Variants in CBL observed in about 807,000 individuals in gnomAD.
The protein encoded by CBL is Cbl proto-oncogene.
In CBL, 45 loss-of-function variants were observed where a neutral mutation model predicts 96.9. The ratio of observed to expected loss-of-function variants is 0.46; its 90% CI spans 0.37 to 0.60. The LOEUF is 0.60. Ranked by LOEUF, CBL falls within the 20% of genes least tolerant of loss-of-function variation. CBL has a pLI of 0.00. For missense variants in CBL, 1,024 were observed against 1,143.5 expected (o/e 0.90, Z 1.51); for synonymous variants, 420 against 426.8 (o/e 0.98, Z 0.20).
intron 1 of CBL, among the ~76,000 whole-genome samples, chr11:119,228,798 T>TTC (rs200646426): frequency 4.1e-4 from 60 of 147,884 alleles, no homozygotes; most frequent in African/African-American, 9.2e-4. Context: ...AGCTAATTCC[T>TTC]TCTCTCTCTC....
intron 1 of CBL, among the ~76,000 whole-genome samples, chr11:119,211,670 A>C (rs1247849652): frequency 1.3e-5 from 2 of 151,706 alleles, no homozygotes; most frequent in Non-Finnish European, 2.9e-5. Context: ...CACCCAGCTA[A>C]TTTTTGTATT....
intron 2 of CBL, among the ~76,000 whole-genome samples, chr11:119,245,636 G>GGA (rs1254311774): frequency 4.4e-4 from 67 of 152,200 alleles, no homozygotes; most frequent in African/African-American, 1.6e-3. Context: ...GGCTGAGGCA[G>GGA]GAGAATCACT....
Position 119,206,503 on chromosome 11 carries a change from T to C in CBL, c.86T>C (p.Met29Thr), listed in dbSNP as rs1949269894. 2.6e-6 allele frequency: 4 copies of C among 1,566,584 alleles called. No individual in the cohort carries two copies. Among genetic ancestry groups the C allele is most frequent in the Non-Finnish European group, 3.5e-6 (4 of 1,157,734 alleles). The change falls in exon 1 of 16, where the codon ATG (methionine) becomes ACG (threonine). Residue 29 changes from methionine to threonine, a missense_variant. Met to Thr is a moderately conservative substitution (Grantham distance 81). Around this residue, in one of 4 missense-constraint regions of CBL, gnomAD observed 114 missense variants for 117.4 expected, o/e 0.97. Coordinates refer to ENST00000264033, the MANE Select transcript of CBL (RefSeq NM_005188.4). ...GGTTCGGGTGGCCTGATTGGGCTCA[T>C]GAAGGACGCCTTCCAGCCGCACCAC... The part of the protein sequence containing the change: ...GSGSGGLIGL[M>T]KDAFQPHHHH...
intron 13 of CBL, 68 bp downstream of exon 13, chr11:119,297,102 T>A: frequency 1.2e-6 from 1 of 854,566 alleles, no homozygotes; most frequent in Non-Finnish European, 2.0e-6. Context: ...TTCACCTGCT[T>A]GGCTTGCTAC....
rs1035154019 is a variant in CBL at position 119,301,754 on chromosome 11, G to C, written c.*1973G>C. The C allele has an allele frequency of 4.3e-6, 1 of 233,172 alleles. No homozygotes were observed. Among genetic ancestry groups the C allele is most frequent in the Non-Finnish European group, 8.5e-6 (1 of 118,046 alleles). 14.4% of individuals were successfully genotyped at this position (233,172 alleles called of 1,614,324 possible). On this transcript the variant is annotated 3_prime_UTR_variant, in exon 16 of 16. Coordinates refer to ENST00000264033, the MANE Select transcript of CBL (RefSeq NM_005188.4). ...TTAGGTGAGGCGGTCCCGAGTTGAG[G>C]TAGAGTGGGGCAGAGGAAGATGGCA...
At chr11:119,236,451 T>TG (rs1400677141) in intron 2 of CBL, among the ~76,000 whole-genome samples, 1 of 152,132 alleles carries the variant, frequency 6.6e-6, no homozygotes, top group African/African-American at 2.4e-5. Flanking sequence ...TTTCAATGTA[T>TG]GGATATACCA....
rs926043487 is a variant in CBL at position 119,303,181 on chromosome 11, T to C, written c.*3400T>C. 4.3e-6 allele frequency: 1 copy of C among 231,702 alleles called. No homozygotes were observed. The highest frequency in any genetic ancestry group is 2.2e-5 in the African/African-American group (1 of 45,386). The allele number at this position is 231,702 out of a possible 1,614,324, so 14.4% of individuals were successfully genotyped here. A position where few individuals can be genotyped will look rare whatever the true frequency, so the allele number is the denominator to read the frequency against. ...TATTCCCTTTAAGATCTAGTTCTTT[T>C]TGTAGGTGTTCAGCAATGGTGATAA... On this transcript the variant is annotated 3_prime_UTR_variant, in exon 16 of 16. Coordinates refer to ENST00000264033, the MANE Select transcript of CBL (RefSeq NM_005188.4).
intron 12 of CBL, 96 bp downstream of exon 12, chr11:119,288,042 G>GA: frequency 1.2e-6 from 1 of 809,050 alleles, no homozygotes; most frequent in South Asian, 1.4e-5. Context: ...GTGTAAAAAA[G>GA]AAAATAAAAA....
intron 1 of CBL, among the ~76,000 whole-genome samples, chr11:119,212,180 A>C (rs1949323864): frequency 6.6e-6 from 1 of 152,114 alleles, no homozygotes; most frequent in Admixed American, 6.6e-5. Flanking sequence ...CGGTCTTCCA[A>C]AGTGAGCCAC....
rs1950091362 is a variant in CBL, at chr11:119,300,066, T to C, written c.*285T>C. The C allele has an allele frequency of 3.5e-6, 2 of 570,216 alleles. No individual in the cohort carries two copies. The highest frequency in any genetic ancestry group is 3.7e-5 in the African/African-American group (2 of 53,412). The allele number at this position is 570,216 out of a possible 1,614,324, so 35.3% of individuals were successfully genotyped here. On this transcript the variant is annotated 3_prime_UTR_variant, in exon 16 of 16. Transcript: ENST00000264033. Reference sequence around the variant, plus strand: ...ACATGATAACCTACCTGGGGAACAGTCCAGAAAGCTATAGAACAAGTATTT... The same window carrying C: ...ACATGATAACCTACCTGGGGAACAGCCCAGAAAGCTATAGAACAAGTATTT...
intron 1 of CBL, among the ~76,000 whole-genome samples, chr11:119,219,692 T>A (rs1441147116): frequency 6.6e-6 from 1 of 151,684 alleles, no homozygotes; most frequent in Non-Finnish European, 1.5e-5. Flanking sequence ...TTTTTTTTTT[T>A]TTTTATTTTG....
intron 2 of CBL, among the ~76,000 whole-genome samples, chr11:119,244,312 G>A (rs1487843311): frequency 6.6e-6 from 1 of 152,040 alleles, no homozygotes; most frequent in African/African-American, 2.4e-5. Flanking sequence ...ACTATGGTTT[G>A]TTTAATTATG....
intron 12 of CBL, among the ~76,000 whole-genome samples, chr11:119,290,627 AAAAAG>A (rs2135315124): frequency 6.7e-6 from 1 of 149,890 alleles, no homozygotes; most frequent in Non-Finnish European, 1.5e-5. Flanking sequence ...CTCAAAAAAA[AAAAAG>A]AGATACTTTC....
chr11:119,247,104 A>G (rs900903443), intron 2 of CBL, among the ~76,000 whole-genome samples: 1 of 152,194 alleles, frequency 6.6e-6, no homozygotes, highest in Non-Finnish European at 1.5e-5. Flanking sequence ...GTGACAGGGC[A>G]CTTCATTTTG....
chr11:119,285,435 A>C lies in CBL; in HGVS notation c.1810A>C (p.Ser604Arg). Residue 604 changes from serine to arginine, a missense_variant, in exon 11 of 16, where the codon AGT becomes CGT. This residue lies in a region of CBL where 695 missense variants were observed against 661.6 expected (regional missense o/e 1.05). Transcript: ENST00000264033. ...CCCCAAAGTACCAGTATCTGCCCCA[A>C]GTTCCAGTGATCCCTGGACAGGAAG... ...PIPKVPVSAPSSSDPWTGREL... is the reference protein window; with the variant it reads ...PIPKVPVSAPRSSDPWTGREL... The C allele has an allele frequency of 6.2e-7, 1 of 1,614,206 alleles. No individual in the cohort carries two copies. The highest frequency in any genetic ancestry group is 8.5e-7 in the Non-Finnish European group (1 of 1,180,040).
chr11:119,278,061 T>A, intron 7 of CBL, 105 bp from the exon 8 acceptor site: 1 of 1,073,922 alleles, frequency 9.3e-7, no homozygotes, highest in South Asian at 1.4e-5. Flanking sequence ...GACATTTTTA[T>A]ATAAGCAAAA....
chr11:119,224,776 G>A (rs1416668865), intron 1 of CBL, among the ~76,000 whole-genome samples: 1 of 151,732 alleles, frequency 6.6e-6, no homozygotes, highest in Admixed American at 6.6e-5. Flanking sequence ...AAATATTTAC[G>A]ATTCATTAAG....
intron 1 of CBL, among the ~76,000 whole-genome samples, chr11:119,227,353 T>C (rs1422509592): frequency 2.0e-5 from 3 of 152,170 alleles, no homozygotes; most frequent in African/African-American, 7.2e-5. Context: ...ATAGGTTTAT[T>C]GGAATGTAAC....
chr11:119,282,715 A>T (rs957779624), intron 9 of CBL, among the ~76,000 whole-genome samples: 1 of 152,292 alleles, frequency 6.6e-6, no homozygotes. Context: ...GTGTTTAAGA[A>T]TGGCTAAGCT....
Sources: allele counts gnomAD v4.1 joint callset (sites outside exome capture counted in the v4.1 genomes callset), GRCh38; gene constraint gnomAD v4.1.1; regional missense constraint gnomAD v4.1.1; transcripts MANE v1.5; gene names NCBI Gene and HGNC (gene_info 2026-07-23, HGNC 2026-07-21).